Variants in KBTBD12 observed in about 807,000 individuals in gnomAD.
KBTBD12 encodes kelch repeat and BTB domain-containing protein 12.
KBTBD12 carries 53 observed loss-of-function variants against 58.7 expected under a neutral mutation model. The ratio of observed to expected loss-of-function variants is 0.90; its 90% CI spans 0.72 to 1.14. The LOEUF is 1.14. KBTBD12 is among the 50% of genes most tolerant of loss of function. The pLI, the probability that KBTBD12 is intolerant of heterozygous loss-of-function variation, is 0.00. For synonymous variants in KBTBD12, 236 were observed against 259.8 expected (o/e 0.91, Z 0.88); for missense variants, 704 against 751.3 (o/e 0.94, Z 0.74).
At chr3:127,963,642 T>C in intron 5 of KBTBD12, 1 of 397,860 alleles carries the variant, frequency 2.5e-6, no homozygotes, top group Non-Finnish European at 4.5e-6. Context: ...ACACCTGGTC[T>C]CACCTGATCT....
At chr3:127,949,251 G>A (rs1940153660) in intron 4 of KBTBD12, among the ~76,000 whole-genome samples, 1 of 152,134 alleles carries the variant, frequency 6.6e-6, no homozygotes, top group South Asian at 2.1e-4. Flanking sequence ...GAGAATTCTT[G>A]GTCGTTAACA....
chr3:127,923,323 T>C lies in KBTBD12; in HGVS notation c.262T>C (p.Tyr88His), dbSNP rs781602623. ...AGAAAGTGTGTCGGTGTTATTAAAT[T>C]ACATGTACAATGCAGCTTTGGAGAT... ...TAESVSVLLNYMYNAALEINN... is the reference protein window; with the variant it reads ...TAESVSVLLNHMYNAALEINN... Residue 88 changes from tyrosine (Y) to histidine (H), a missense_variant, in exon 2 of 6, where the codon TAC becomes CAC. Physicochemically the swap from Tyr to His is moderately conservative, Grantham distance 83. Transcript: ENST00000405109. 1 of 1,613,734 alleles carries C rather than the reference T, an allele frequency of 6.2e-7. No homozygotes were observed.
chr3:127,944,975 G>A (rs1234005607), intron 4 of KBTBD12, among the ~76,000 whole-genome samples: 1 of 151,544 alleles, frequency 6.6e-6, no homozygotes, highest in African/African-American at 2.4e-5. Flanking sequence ...CAACCTCCCA[G>A]GCTCAGGTGC....
chr3:127,977,982 C>T (rs1476878876), intron 5 of KBTBD12, among the ~76,000 whole-genome samples: 1 of 152,132 alleles, frequency 6.6e-6, no homozygotes, highest in Non-Finnish European at 1.5e-5. Context: ...AATCTTTAAT[C>T]CATCTTGAGT....
intron 1 of KBTBD12, among the ~76,000 whole-genome samples, chr3:127,916,953 C>G (rs1273536437): frequency 3.9e-5 from 6 of 152,112 alleles, no homozygotes; most frequent in Non-Finnish European, 5.9e-5. Context: ...TAAGCGTTGG[C>G]GAGTGGGAAA....
chr3:127,958,706 A>C (rs1940369503), intron 4 of KBTBD12, among the ~76,000 whole-genome samples: 1 of 152,190 alleles, frequency 6.6e-6, no homozygotes, highest in South Asian at 2.1e-4. Context: ...AGCTGTAACA[A>C]ATGGAACTTG....
intron 3 of KBTBD12, 83 bp downstream of exon 3, chr3:127,928,117 G>A (rs1939620275): frequency 8.4e-7 from 1 of 1,192,470 alleles, no homozygotes; most frequent in African/African-American, 1.5e-5. Context: ...GTTGTTGAAT[G>A]CTAAAAGAGT....
At position 127,915,273 on chromosome 3, in the gene KBTBD12, C is replaced by T. The variant is rs1939198165; in HGVS notation, c.-426C>T. 6.6e-6 allele frequency: 1 copy of T among 152,268 alleles called. No homozygotes were observed. The allele number at this position is 152,268 out of a possible 1,614,324, so 9.4% of individuals were successfully genotyped here. On this transcript the variant is annotated 5_prime_UTR_variant, in exon 1 of 6. Transcript: ENST00000405109. ...CGCGCGGGGAGACCCTGTGCAGCGA[C>T]ACCGGGGCTGTAGTCGCCGTCTGGA...
At chr3:127,954,385 A>G (rs1240911214) in intron 4 of KBTBD12, among the ~76,000 whole-genome samples, 4 of 152,320 alleles carry the variant, frequency 2.6e-5, no homozygotes, top group African/African-American at 9.6e-5. Flanking sequence ...ACCTCACTGA[A>G]ATCTCATTAT....
Position 127,963,586 on chromosome 3 carries a change from C to T in KBTBD12, c.1690+200C>T, listed in dbSNP as rs572870998. ...TGAAGCTGGCACATCCATAGGCTGT[C>T]GTAAGAATTAAATGGAATCTAGTTT... On this transcript the variant is annotated intron_variant, in intron 5 of 5. Transcript: ENST00000405109. 1.4e-3 allele frequency: 759 copies of T among 536,104 alleles called. 4 individuals carry two copies. The highest frequency in any genetic ancestry group is 0.013 in the African/African-American group (678 of 52,428). 33.2% of individuals were successfully genotyped at this position (536,104 alleles called of 1,614,324 possible).
At chr3:127,937,172 A>AAACAAC (rs3073944) in intron 4 of KBTBD12, among the ~76,000 whole-genome samples, 25 of 150,426 alleles carry the variant, frequency 1.7e-4, no homozygotes, top group South Asian at 6.4e-4. Flanking sequence ...AATGGCCAGA[A>AAACAAC]AACAACAACA....
rs576074288 is a variant in KBTBD12, at chr3:127,925,197, G to A, written c.1070+1066G>A. 2.0e-5 allele frequency among the ~76,000 whole-genome samples: 3 copies of A among 152,298 alleles called. No homozygotes were observed. The East Asian group carries it at 5.8e-4, about 29-fold the overall frequency. On this transcript the variant is annotated intron_variant, in intron 2 of 5. Transcript: ENST00000405109. The stretch of plus-strand genomic sequence containing the variant: ...CTCCCCTAGTAGGAGAAAGAATGCA[G>A]AGCCCTGGCTGGGTGACCTAGACCC...
At chr3:127,981,984 T>C (rs1197930944) in intron 5 of KBTBD12, among the ~76,000 whole-genome samples, 1 of 152,144 alleles carries the variant, frequency 6.6e-6, no homozygotes, top group Non-Finnish European at 1.5e-5. Context: ...TCTTCTTTAA[T>C]TACCATAAAA....
At chr3:127,937,473 A>G (rs1939855136) in intron 4 of KBTBD12, among the ~76,000 whole-genome samples, 1 of 152,164 alleles carries the variant, frequency 6.6e-6, no homozygotes, top group Non-Finnish European at 1.5e-5. Context: ...AGTTCTGAAA[A>G]TTAGTGAATA....
chr3:127,955,198 CT>C (rs1940295450), intron 4 of KBTBD12, among the ~76,000 whole-genome samples: 1 of 152,204 alleles, frequency 6.6e-6, no homozygotes, highest in South Asian at 2.1e-4. Flanking sequence ...GAAATAGGGA[CT>C]TTTCATTTCC....
intron 5 of KBTBD12, among the ~76,000 whole-genome samples, chr3:127,973,068 C>T (rs1022863256): frequency 2.0e-5 from 3 of 152,094 alleles, no homozygotes; most frequent in African/African-American, 7.2e-5. Context: ...GGATAGCCAC[C>T]GCTGTAATCA....
chr3:127,957,919 C>T (rs1233601807), intron 4 of KBTBD12, among the ~76,000 whole-genome samples: 1 of 152,108 alleles, frequency 6.6e-6, no homozygotes, highest in Non-Finnish European at 1.5e-5. Context: ...AGGGAATGGC[C>T]AATTCTGTGT....
rs548926922 is a variant in KBTBD12 at position 127,930,105 on chromosome 3, A to C, written c.1342-28A>C. On this transcript the variant is annotated intron_variant, in intron 3 of 5. Transcript: ENST00000405109. ...CACAAAGATTGCTAAATGATATGTT[A>C]TTATATTGGCTGTCATATTTCATAC... 18 of 1,552,084 alleles carry C rather than the reference A, an allele frequency of 1.2e-5. No homozygotes were observed. The East Asian group carries it at 4.0e-4, about 35-fold the overall frequency.
At chr3:127,944,637 T>C (rs1241109606) in intron 4 of KBTBD12, among the ~76,000 whole-genome samples, 7 of 152,198 alleles carry the variant, frequency 4.6e-5, no homozygotes, top group Admixed American at 4.6e-4. Flanking sequence ...TTTTACTTCT[T>C]CCTTTCCAGT....
Sources: gnomAD v4.1 joint callset for allele counts (sites outside exome capture counted in the v4.1 genomes callset) on GRCh38, gnomAD v4.1.1 for gene constraint, MANE v1.5 for transcripts, NCBI Gene and HGNC (gene_info 2026-07-23, HGNC 2026-07-21) for gene names.